NCAPG2: variants seen among roughly 807,000 people sequenced by gnomAD.
NCAPG2 encodes the protein non-SMC condensin II complex subunit G2.
NCAPG2 carries 53 observed loss-of-function variants against 141.1 expected under a neutral mutation model. That is an observed-to-expected ratio of 0.38 (90% CI 0.30 to 0.47). The LOEUF (loss-of-function observed/expected upper bound fraction) is 0.47. Among genes scored for constraint, NCAPG2 ranks in the 20% least tolerant of loss-of-function variants. The pLI, the probability that NCAPG2 is intolerant of heterozygous loss-of-function variation, is 0.99. For missense variants in NCAPG2, 1,087 were observed against 1,389.0 expected, an observed-to-expected ratio of 0.78 and a Z score of 3.46; for synonymous variants, 499 against 490.7, an observed-to-expected ratio of 1.02 and a Z score of -0.22.
intron 1 of NCAPG2, among the ~76,000 whole-genome samples, chr7:158,704,482 G>A (rs1836039124): frequency 6.6e-6 from 1 of 152,226 alleles, no homozygotes; most frequent in Non-Finnish European, 1.5e-5. Context: ...CCGGGGCTGG[G>A]ATTTTCCTCC....
chr7:158,674,190 G>A (rs1466841608), intron 12 of NCAPG2, among the ~76,000 whole-genome samples: 1 of 152,170 alleles, frequency 6.6e-6, no homozygotes, highest in Non-Finnish European at 1.5e-5. Flanking sequence ...GGAGAAATGG[G>A]GGAGCCTCTG....
chr7:158,659,012 A>G (rs554840023), intron 16 of NCAPG2, among the ~76,000 whole-genome samples: 35 of 134,038 alleles, frequency 2.6e-4, no homozygotes, highest in African/African-American at 9.6e-4. Context: ...CCTGGGCAAC[A>G]GGGCATTATA....
chr7:158,666,140 T>G (rs907692984), intron 13 of NCAPG2, among the ~76,000 whole-genome samples: 1 of 152,150 alleles, frequency 6.6e-6, no homozygotes, highest in Non-Finnish European at 1.5e-5. Flanking sequence ...GGACTGGAGA[T>G]TTCTTACCTA....
intron 6 of NCAPG2, among the ~76,000 whole-genome samples, chr7:158,689,547 C>T (rs2129468876): frequency 6.6e-6 from 1 of 152,332 alleles, no homozygotes; most frequent in South Asian, 2.1e-4. Context: ...GCTTTCTCAA[C>T]CTTATTTTTA....
intron 13 of NCAPG2, among the ~76,000 whole-genome samples, chr7:158,670,206 T>C (rs1433107292): frequency 6.6e-6 from 1 of 152,184 alleles, no homozygotes; most frequent in East Asian, 1.9e-4. Flanking sequence ...TTTCTTCTAA[T>C]ATAAAAAAAT....
intron 27 of NCAPG2, chr7:158,640,891 G>A (rs556231550): frequency 6.6e-6 from 1 of 152,222 alleles, no homozygotes; most frequent in South Asian, 2.1e-4. Flanking sequence ...AATTATGTAT[G>A]CTTATGTCTG....
chr7:158,642,298 G>A (rs1401446214), intron 27 of NCAPG2, among the ~76,000 whole-genome samples: 1 of 152,218 alleles, frequency 6.6e-6, no homozygotes, highest in Non-Finnish European at 1.5e-5. Context: ...AGAACGTTAG[G>A]AGGCCGCAGG....
rs546236814 is a variant in NCAPG2 at position 158,700,998 on chromosome 7, G to A, written c.78+824C>T. Among the ~76,000 whole-genome samples, 7 of 152,278 alleles carry A rather than the reference G, an allele frequency of 4.6e-5. No homozygotes were observed. The South Asian group carries it at 6.2e-4, about 14-fold the overall frequency. On this transcript the variant is annotated intron_variant, in intron 2 of 27. Transcript: ENST00000356309. Reference sequence around the variant, plus strand: ...CAGCCCTTTCCCCTGGTATCCAGACGTGCATGTCTGACTACTGGCCATCCG... The same window carrying A: ...CAGCCCTTTCCCCTGGTATCCAGACATGCATGTCTGACTACTGGCCATCCG...
chr7:158,701,146 G>C (rs1587319831), intron 2 of NCAPG2, among the ~76,000 whole-genome samples: 1 of 152,226 alleles, frequency 6.6e-6, no homozygotes, highest in South Asian at 2.1e-4. Context: ...AGACGCCTGG[G>C]CCCTTCCCCA....
At chr7:158,665,829 C>T (rs139242445) in intron 13 of NCAPG2, among the ~76,000 whole-genome samples, 217 of 152,274 alleles carry the variant, frequency 1.4e-3, no homozygotes, top group African/African-American at 4.9e-3. Context: ...GACATATGAA[C>T]GCCCTCAACT....
intron 9 of NCAPG2, 95 bp from the exon 10 acceptor site, chr7:158,680,911 T>C: frequency 1.1e-6 from 1 of 869,792 alleles, no homozygotes; most frequent in Non-Finnish European, 1.7e-6. Flanking sequence ...AGAATTGTTC[T>C]CTCCACCACA....
chr7:158,687,071 A>G (rs1834801903), intron 7 of NCAPG2, among the ~76,000 whole-genome samples: 1 of 152,184 alleles, frequency 6.6e-6, no homozygotes, highest in African/African-American at 2.4e-5. Flanking sequence ...AGTACCATGG[A>G]CATGGCTTTA....
At chr7:158,686,048 CATT>C in intron 8 of NCAPG2, 121 bp downstream of exon 8, 1 of 569,282 alleles carries the variant, frequency 1.8e-6, no homozygotes, top group Non-Finnish European at 3.0e-6. Flanking sequence ...AATAGATTTT[CATT>C]ATTTGGCTTT....
In NCAPG2 at chr7:158,695,892, A is replaced by G. The variant is rs112319978; in HGVS notation, c.79-2395T>C. Among the ~76,000 whole-genome samples the G allele has an allele frequency of 9.5e-3, 1,450 of 152,316 alleles. 18 individuals carry two copies. Among genetic ancestry groups the G allele is most frequent in the African/African-American group, 0.029 (1,207 of 41,574 alleles). On this transcript the variant is annotated intron_variant, in intron 2 of 27. Coordinates refer to ENST00000356309, the MANE Select transcript of NCAPG2 (RefSeq NM_017760.7). ...TGCAGCCCTGTGCTGTACAGAGCGC[A>G]CCAGGATGAGGGGCCGGTGGGGTGG...
At chr7:158,654,504 A>C in intron 22 of NCAPG2, 91 bp downstream of exon 22, 12 of 1,264,382 alleles carry the variant, frequency 9.5e-6, no homozygotes, top group Non-Finnish European at 1.3e-5. Flanking sequence ...CAGTCACTTA[A>C]AAGTGAGAGT....
intron 8 of NCAPG2, among the ~76,000 whole-genome samples, chr7:158,685,914 C>A (rs541551886): frequency 1.3e-5 from 2 of 152,172 alleles, no homozygotes; most frequent in Non-Finnish European, 2.9e-5. Flanking sequence ...AGACTGGCCA[C>A]GTTCCAAATG....
intron 27 of NCAPG2, among the ~76,000 whole-genome samples, chr7:158,639,562 G>A (rs1830500523): frequency 6.6e-6 from 1 of 152,106 alleles, no homozygotes; most frequent in Non-Finnish European, 1.5e-5. Flanking sequence ...CTAGACCAAT[G>A]CAAGAAATTG....
chr7:158,689,044 G>A (rs1165855309), intron 6 of NCAPG2, among the ~76,000 whole-genome samples: 1 of 152,172 alleles, frequency 6.6e-6, no homozygotes. Flanking sequence ...CACTGCCTGA[G>A]CATGTAGTCG....
intron 2 of NCAPG2, among the ~76,000 whole-genome samples, chr7:158,700,925 G>T (rs1587319128): frequency 6.6e-6 from 1 of 152,126 alleles, no homozygotes; most frequent in African/African-American, 2.4e-5. Context: ...AGAGATAACT[G>T]CAGGCATTCC....
Sources: gnomAD v4.1 joint callset for allele counts (sites outside exome capture counted in the v4.1 genomes callset) on GRCh38, gnomAD v4.1.1 for gene constraint, MANE v1.5 for transcripts, NCBI Gene and HGNC (gene_info 2026-07-23, HGNC 2026-07-21) for gene names.